Variants in ZNF606 observed in about 807,000 individuals in gnomAD.
ZNF606 encodes the protein zinc finger protein 606.
ZNF606 carries 37 observed loss-of-function variants against 74.9 expected under a neutral mutation model. The ratio of observed to expected loss-of-function variants is 0.49; its 90% CI spans 0.38 to 0.65. ZNF606 has a LOEUF of 0.65. Ranked by LOEUF, ZNF606 falls within the 30% of genes least tolerant of loss-of-function variation. ZNF606 has a pLI of 0.00. For synonymous variants in ZNF606, 328 were observed against 312.4 expected, an observed-to-expected ratio of 1.05 and a Z score of -0.53; for missense variants, 852 against 952.9, an observed-to-expected ratio of 0.89 and a Z score of 1.39.
In ZNF606 at chr19:57,978,245, T is replaced by C. The variant is rs903086392; in HGVS notation, c.*56A>G. On this transcript the variant is annotated 3_prime_UTR_variant, in exon 7 of 7. Transcript: ENST00000551380. The surrounding 1 kb of genome is among the most constrained non-coding windows in gnomAD (Gnocchi z 4.4). ...AAATGTCCCCTCTTGATTATGTTTA[T>C]AGGGTTTTCCTCAATGTGTTGTCAA... 6 of 1,491,946 alleles carry C rather than the reference T, an allele frequency of 4.0e-6. No individual in the cohort carries two copies. Among genetic ancestry groups the C allele is most frequent in the South Asian group, 1.4e-5 (1 of 71,108 alleles). The allele number at this position is 1,491,946 out of a possible 1,614,324, so 92.4% of individuals were successfully genotyped here.
At chr19:58,002,212 G>A (rs2073444058) in intron 1 of ZNF606, 184 bp downstream of exon 1, 1 of 456,798 alleles carries the variant, frequency 2.2e-6, no homozygotes, top group South Asian at 1.5e-5. Flanking sequence ...CAGGTCTGAC[G>A]TCCTTCACAG....
At chr19:57,984,501 T>C (rs1316721683) in intron 6 of ZNF606, among the ~76,000 whole-genome samples, 1 of 152,188 alleles carries the variant, frequency 6.6e-6, no homozygotes, top group Non-Finnish European at 1.5e-5. Context: ...GGGTGGAAGA[T>C]AATCCAACTT....
chr19:57,988,920 A>G (rs2073208617), intron 4 of ZNF606, among the ~76,000 whole-genome samples, 199 bp from the exon 5 acceptor site: 1 of 152,180 alleles, frequency 6.6e-6, no homozygotes, highest in African/African-American at 2.4e-5. Context: ...CTCTTAGGGA[A>G]TTAGATACCT....
At chr19:57,999,279 C>T (rs1004341224) in intron 4 of ZNF606, 5 of 154,498 alleles carry the variant, frequency 3.2e-5, no homozygotes, top group African/African-American at 4.8e-5. Flanking sequence ...TCCCATCTCC[C>T]GACTCATCAG....
Position 57,978,431 on chromosome 19 carries a change from G to T in ZNF606, c.2249C>A (p.Ser750Tyr). ...ATGCATTCTCTGATGAATAATAAGG[G>T]AAGAATTCTTACAAAATGCTTTTTC... ...HCEKAFCKNS[S>Y]LIIHQRMHSG... Residue 750 changes from serine to tyrosine, a missense_variant, in exon 7 of 7, where the codon TCC (serine) becomes TAC (tyrosine). Transcript: ENST00000551380. This position sits in a 1 kb window ranked among gnomAD's most constrained non-coding sequence, Gnocchi z 4.4. 1 of 1,613,940 alleles carries T rather than the reference G, an allele frequency of 6.2e-7. No homozygotes were observed. Among genetic ancestry groups the T allele is most frequent in the South Asian group, 1.1e-5 (1 of 91,074 alleles).
At position 57,980,245 on chromosome 19, in the gene ZNF606, G is replaced by C; in HGVS notation, c.435C>G (p.Ile145Met). 6.2e-7 allele frequency: 1 copy of C among 1,611,522 alleles called. No individual in the cohort carries two copies. Among genetic ancestry groups the C allele is most frequent in the Non-Finnish European group, 8.5e-7 (1 of 1,179,058 alleles). The change falls in exon 7 of 7, where the codon ATC becomes ATG. Residue 145 changes from isoleucine to methionine, a missense_variant. By Grantham distance (10) the Ile-to-Met change is conservative (BLOSUM62 1). Around this residue, in one of 3 missense-constraint regions of ZNF606, gnomAD observed 545 missense variants for 542.5 expected, o/e 1.00. Coordinates refer to ENST00000551380, the MANE Select transcript of ZNF606 (RefSeq NM_001348022.3). Reference protein sequence around the residue: ...WVRNLESKALIPAQSIFEEEQ... With the variant: ...WVRNLESKALMPAQSIFEEEQ... ...CTTCCTCAAAAATGCTCTGTGCTGG[G>C]ATCAATGCTTTGCTTTCAAGATTTC...
In ZNF606 at chr19:57,986,764, C is replaced by T. The variant is rs552405921; in HGVS notation, c.400+1443G>A. On this transcript the variant is annotated intron_variant, in intron 6 of 6. Transcript: ENST00000551380. ...CTATTAATATTACACTAGTATTAAT[C>T]CAAACTACATTGTCATAAATTAAGA... Among the ~76,000 whole-genome samples the T allele has an allele frequency of 2.0e-5, 3 of 152,122 alleles. No individual in the cohort carries two copies. The South Asian group carries it at 6.2e-4, about 32-fold the overall frequency.
chr19:57,984,238 T>A (rs1441884263), intron 6 of ZNF606, among the ~76,000 whole-genome samples: 4 of 152,234 alleles, frequency 2.6e-5, no homozygotes. Context: ...TGGGAGAACA[T>A]CTAGAAAGTA....
At position 57,995,074 on chromosome 19, in the gene ZNF606, C is replaced by T. The variant is rs539097021; in HGVS notation, c.177+4734G>A. On this transcript the variant is annotated intron_variant, in intron 4 of 6. Coordinates refer to ENST00000551380, the MANE Select transcript of ZNF606 (RefSeq NM_001348022.3). ...GGCGTGGTGGCATGCACCTGTACTC[C>T]CAGCTACTTGGGAGGCTGAGGCAGG... Among the ~76,000 whole-genome samples, 9 of 151,678 alleles carry T rather than the reference C, an allele frequency of 5.9e-5. No homozygotes were observed. The South Asian group carries it at 1.7e-3, about 28-fold the overall frequency.
chr19:57,985,164 A>G (rs2073146118), intron 6 of ZNF606, among the ~76,000 whole-genome samples: 2 of 152,214 alleles, frequency 1.3e-5, no homozygotes, highest in South Asian at 4.1e-4. Flanking sequence ...CCTTGCAGCA[A>G]CCAGGAAAAC....
intron 4 of ZNF606, among the ~76,000 whole-genome samples, chr19:57,996,481 C>T (rs966163897): frequency 2.7e-4 from 41 of 152,216 alleles, no homozygotes; most frequent in African/African-American, 7.7e-4. Context: ...GTATGGACAA[C>T]GCAATGAGAC....
intron 1 of ZNF606, among the ~76,000 whole-genome samples, chr19:58,001,584 G>C (rs2073429578): frequency 6.6e-6 from 1 of 152,230 alleles, no homozygotes. Flanking sequence ...TCCTGAATGA[G>C]AGGGTACAAA....
Position 57,979,598 on chromosome 19 carries a change from T to G in ZNF606, c.1082A>C (p.Glu361Ala). ...ENIFYFSSFM[E>A]HQKIGTVEKA... Reference sequence around the variant, plus strand: ...CTCTACAGTACCAATTTTTTGATGTTCCATAAAGGATGAGAAATAAAAGAT... The same window carrying G: ...CTCTACAGTACCAATTTTTTGATGTGCCATAAAGGATGAGAAATAAAAGAT... Residue 361 changes from glutamate to alanine, a missense_variant, in exon 7 of 7, where the codon GAA (glutamate) becomes GCA (alanine). Physicochemically the swap from Glu to Ala is moderately radical, Grantham distance 107 (BLOSUM62 -1). Transcript: ENST00000551380. 1 of 1,613,170 alleles carries G rather than the reference T, an allele frequency of 6.2e-7. No individual in the cohort carries two copies. Among genetic ancestry groups the G allele is most frequent in the South Asian group, 1.1e-5 (1 of 90,776 alleles).
rs1276985717 is a variant in ZNF606 at position 58,002,571 on chromosome 19, A to G, written c.-227T>C. ...AGCCGACGTGCAGCAGAGTTCACCC[A>G]GGCCCGTCCGACCAGAAAACGAAGA... On this transcript the variant is annotated 5_prime_UTR_variant, in exon 1 of 7. Transcript: ENST00000551380. 4.6e-6 allele frequency: 2 copies of G among 434,974 alleles called. No individual in the cohort carries two copies. The highest frequency in any genetic ancestry group is 9.2e-6 in the Non-Finnish European group (2 of 217,168). 26.9% of individuals were successfully genotyped at this position (434,974 alleles called of 1,614,324 possible).
chr19:57,996,751 C>T (rs187191163), intron 4 of ZNF606, among the ~76,000 whole-genome samples: 228 of 152,250 alleles, frequency 1.5e-3, no homozygotes, highest in Non-Finnish European at 2.3e-3. Flanking sequence ...GGAGCAAACC[C>T]TTCTGGTCCA....
At chr19:58,000,417 G>A (rs1344548679) in intron 3 of ZNF606, 2 of 574,572 alleles carry the variant, frequency 3.5e-6, no homozygotes, top group South Asian at 2.3e-5. Flanking sequence ...AGTAGAGACG[G>A]GGTTTCACCG....
Position 57,988,288 on chromosome 19 carries a change from T to C in ZNF606, c.319A>G (p.Lys107Glu), listed in dbSNP as rs1383391403. Residue 107 changes from lysine (K) to glutamate (E), a missense_variant, in exon 6 of 7, where the codon AAG becomes GAG. Around this residue, in one of 3 missense-constraint regions of ZNF606, gnomAD observed 545 missense variants for 542.5 expected, o/e 1.00. Transcript: ENST00000551380. ...TCCAACAGGGAGATGACCTCAGGCT[T>C]GGCAATCTGATTTCCTATGCATGGA... is the stretch of plus-strand genomic sequence containing the variant. ...HLLSVGNQIAKPEVISLLEQG... is the reference protein window; with the variant it reads ...HLLSVGNQIAEPEVISLLEQG... 10 of 1,614,020 alleles carry C rather than the reference T, an allele frequency of 6.2e-6. No individual in the cohort carries two copies. The highest frequency in any genetic ancestry group is 8.5e-6 in the Non-Finnish European group (10 of 1,179,978).
At chr19:57,992,064 C>T (rs964182740) in intron 4 of ZNF606, among the ~76,000 whole-genome samples, 2 of 152,158 alleles carry the variant, frequency 1.3e-5, no homozygotes, top group Admixed American at 6.5e-5. Context: ...ATTCACTTCC[C>T]ACCCCTCCCA....
At chr19:58,002,061 A>G (rs2073439889) in intron 1 of ZNF606, 1 of 418,310 alleles carries the variant, frequency 2.4e-6, no homozygotes, top group East Asian at 7.1e-5. Context: ...ATAAAGCACT[A>G]GAACACACAG....
Sources: gnomAD v4.1 joint callset for allele counts (sites outside exome capture counted in the v4.1 genomes callset) on GRCh38, gnomAD v4.1.1 for gene constraint, gnomAD v4.1.1 regional missense constraint, Gnocchi (gnomAD v3.1) non-coding constraint, MANE v1.5 for transcripts, NCBI Gene and HGNC (gene_info 2026-07-23, HGNC 2026-07-21) for gene names.